The following ABHD3 variants were observed in gnomAD, a reference collection of about 807,000 sequenced individuals.
ABHD3 encodes the protein phospholipase ABHD3.
A neutral mutation model predicts 48.8 loss-of-function variants in ABHD3; 46 were observed. That is an observed-to-expected ratio of 0.94 (90% CI 0.74 to 1.20). ABHD3 has a LOEUF of 1.20. ABHD3 is among the 50% of genes most tolerant of loss of function. The pLI is 0.00. For missense variants in ABHD3, 490 were observed against 497.8 expected (o/e 0.98, Z 0.15); for synonymous variants, 192 against 183.7 (o/e 1.04, Z -0.36).
intron 6 of ABHD3, 110 bp downstream of exon 6, chr18:21,659,060 C>T (rs547954545): frequency 1.3e-5 from 15 of 1,130,064 alleles, no homozygotes; most frequent in South Asian, 1.6e-5. Flanking sequence ...AGGATGGTCT[C>T]GATCTCCTGA....
At chr18:21,677,926 G>A (rs1267907759) in intron 4 of ABHD3, among the ~76,000 whole-genome samples, 1 of 152,004 alleles carries the variant, frequency 6.6e-6, no homozygotes, top group Non-Finnish European at 1.5e-5. Flanking sequence ...GCCTCCCAAA[G>A]TGCTGGGATT....
At chr18:21,659,625 T>G (rs1307515606) in intron 5 of ABHD3, among the ~76,000 whole-genome samples, 1 of 151,972 alleles carries the variant, frequency 6.6e-6, no homozygotes, top group Non-Finnish European at 1.5e-5. Flanking sequence ...CTAAGAGTGG[T>G]TTTTAGATGT....
At chr18:21,696,629 A>AC (rs1273717753) in intron 3 of ABHD3, among the ~76,000 whole-genome samples, 10 of 152,234 alleles carry the variant, frequency 6.6e-5, no homozygotes, top group African/African-American at 2.2e-4. Flanking sequence ...ATAAATTGTT[A>AC]GAGAAAACTG....
At chr18:21,661,102 TAAAAAAAAAAAAAA>T (rs35710540) in intron 5 of ABHD3, among the ~76,000 whole-genome samples, 2 of 57,226 alleles carry the variant, frequency 3.5e-5, no homozygotes, top group Non-Finnish European at 6.4e-5. Flanking sequence ...AACTACAAGC[TAAAAAAAAAAAAAA>T]AAAAAAAAAA....
chr18:21,693,766 A>G (rs567132702), intron 3 of ABHD3, among the ~76,000 whole-genome samples: 1 of 152,348 alleles, frequency 6.6e-6, no homozygotes, highest in East Asian at 1.9e-4. Context: ...CAAAAGTTTA[A>G]AAACCAAATT....
intron 3 of ABHD3, among the ~76,000 whole-genome samples, chr18:21,685,950 G>C (rs1057303682): frequency 1.3e-5 from 2 of 152,194 alleles, no homozygotes; most frequent in Non-Finnish European, 2.9e-5. Context: ...TGTCTGCCTC[G>C]GCCTCTCAAA....
intron 4 of ABHD3, chr18:21,682,941 A>G (rs1017910319): frequency 3.9e-5 from 6 of 152,292 alleles, no homozygotes; most frequent in Admixed American, 6.5e-5. Flanking sequence ...GAGTAAGACC[A>G]TAACACTCTG....
chr18:21,692,556 T>C (rs1409845083), intron 3 of ABHD3, among the ~76,000 whole-genome samples: 2 of 152,188 alleles, frequency 1.3e-5, no homozygotes, highest in African/African-American at 4.8e-5. Flanking sequence ...TAATATTTAA[T>C]TAATGCAGTT....
At chr18:21,660,810 A>G (rs2039475532) in intron 5 of ABHD3, among the ~76,000 whole-genome samples, 1 of 152,132 alleles carries the variant, frequency 6.6e-6, no homozygotes, top group African/African-American at 2.4e-5. Context: ...CATATATAGG[A>G]CAATGCTTAC....
intron 3 of ABHD3, among the ~76,000 whole-genome samples, chr18:21,691,182 T>A (rs972459992): frequency 2.6e-5 from 4 of 151,748 alleles, no homozygotes; most frequent in Non-Finnish European, 5.9e-5. Context: ...TGACAAGAGG[T>A]CAAGAAGAAC....
At position 21,686,465 on chromosome 18, in the gene ABHD3, G is replaced by C. The variant is rs149775923; in HGVS notation, c.510-2500C>G. ...GAGAGAAGGCAAGAACACTAGTGAC[G>C]GGAAAGAAAAAGATGATCTGCAAAC... On this transcript the variant is annotated intron_variant, in intron 3 of 8. Coordinates refer to ENST00000289119, the MANE Select transcript of ABHD3 (RefSeq NM_138340.5). 4.1e-3 allele frequency among the ~76,000 whole-genome samples: 631 copies of C among 152,262 alleles called. 16 individuals are homozygous for C. Among genetic ancestry groups the C allele is most frequent in the Admixed American group, 0.038 (579 of 15,282 alleles).
At chr18:21,693,409 C>T (rs944882096) in intron 3 of ABHD3, among the ~76,000 whole-genome samples, 2 of 152,102 alleles carry the variant, frequency 1.3e-5, no homozygotes, top group East Asian at 1.9e-4. Flanking sequence ...CAGGCAGATC[C>T]GACTCAAGAA....
At chr18:21,673,298 A>C (rs2039797034) in intron 4 of ABHD3, among the ~76,000 whole-genome samples, 1 of 152,094 alleles carries the variant, frequency 6.6e-6, no homozygotes, top group African/African-American at 2.4e-5. Flanking sequence ...GGGTTCAGGG[A>C]TCAATATTTT....
rs970872774 is a variant in ABHD3, at chr18:21,703,946, C to A, written c.163-199G>T. ...AATGCCCCGAGGGGAAGGCGAGAAT[C>A]GCGATAAGGGAGTTTGTTTGTTTTT... On this transcript the variant is annotated intron_variant, in intron 1 of 8. Coordinates refer to ENST00000289119, the MANE Select transcript of ABHD3 (RefSeq NM_138340.5). 56 of 577,870 alleles carry A rather than the reference C, an allele frequency of 9.7e-5. 1 individual carries two copies. In the South Asian group the frequency reaches 1.2e-3, roughly 13 times the overall value. 35.8% of individuals were successfully genotyped at this position (577,870 alleles called of 1,614,324 possible). A position where few individuals can be genotyped will look rare whatever the true frequency, so the allele number is the denominator to read the frequency against.
chr18:21,671,573 A>C (rs1455036793), intron 4 of ABHD3, among the ~76,000 whole-genome samples: 1 of 152,182 alleles, frequency 6.6e-6, no homozygotes, highest in African/African-American at 2.4e-5. Flanking sequence ...TCTAATCAGA[A>C]GAGAGACGAA....
In ABHD3 at chr18:21,697,822, T is replaced by C. The variant is rs116180172; in HGVS notation, c.509+4494A>G. ...GAAAAGTACTTTGTTAGTTTTCAGG[T>C]AGAGGGGAAAAAACAATGGTTTAAC... On this transcript the variant is annotated intron_variant, in intron 3 of 8. Transcript: ENST00000289119. 7.9e-3 allele frequency among the ~76,000 whole-genome samples: 1,198 copies of C among 152,254 alleles called. 10 individuals are homozygous for C. Among genetic ancestry groups the C allele is most frequent in the African/African-American group, 0.026 (1,085 of 41,540 alleles).
At chr18:21,695,898 G>T (rs1004193632) in intron 3 of ABHD3, among the ~76,000 whole-genome samples, 2 of 152,046 alleles carry the variant, frequency 1.3e-5, no homozygotes, top group Non-Finnish European at 2.9e-5. Flanking sequence ...TTCTGATATT[G>T]TACTTTGCAG....
At chr18:21,671,207 A>C (rs2039750351) in intron 4 of ABHD3, among the ~76,000 whole-genome samples, 1 of 152,126 alleles carries the variant, frequency 6.6e-6, no homozygotes, top group Non-Finnish European at 1.5e-5. Context: ...ACAGGACTAA[A>C]AGGGAGGAGA....
chr18:21,666,275 C>T (rs2146293767), intron 4 of ABHD3, among the ~76,000 whole-genome samples: 1 of 152,246 alleles, frequency 6.6e-6, no homozygotes, highest in African/African-American at 2.4e-5. Context: ...CTCACTGCAA[C>T]CTCTGCCTCG....
Sources: allele counts gnomAD v4.1 joint callset (sites outside exome capture counted in the v4.1 genomes callset), GRCh38; gene constraint gnomAD v4.1.1; transcripts MANE v1.5; gene names NCBI Gene and HGNC (gene_info 2026-07-23, HGNC 2026-07-21).